USP28: variants seen among roughly 807,000 people sequenced by gnomAD.
USP28 encodes the protein ubiquitin carboxyl-terminal hydrolase 28.
A neutral mutation model predicts 145.0 loss-of-function variants in USP28; 113 were observed. The observed-to-expected ratio is 0.78, with a 90% CI of 0.67 to 0.91. The LOEUF (loss-of-function observed/expected upper bound fraction) is 0.91, where lower values mean the gene tolerates loss of function less well. Among genes scored for constraint, USP28 ranks in the 40% least tolerant of loss-of-function variants. The pLI, the probability that USP28 is intolerant of heterozygous loss-of-function variation, is 0.00. For synonymous variants in USP28, 447 were observed against 450.9 expected (o/e 0.99, Z 0.11); for missense variants, 1,201 against 1,289.6 (o/e 0.93, Z 1.05).
intron 6 of USP28, 138 bp from the exon 7 acceptor site, chr11:113,833,695 G>A: frequency 1.3e-6 from 1 of 758,834 alleles, no homozygotes; most frequent in Admixed American, 2.8e-5. Context: ...GGCTATGTGT[G>A]TTACAGGGAC....
chr11:113,855,833 C>A (rs1249955005), intron 1 of USP28, among the ~76,000 whole-genome samples: 2 of 152,200 alleles, frequency 1.3e-5, no homozygotes, highest in African/African-American at 4.8e-5. Flanking sequence ...ATTGCTTGAA[C>A]CCAGGAGGTG....
chr11:113,874,685 T>A, intron 1 of USP28: 1 of 1,224,486 alleles, frequency 8.2e-7, no homozygotes, highest in Non-Finnish European at 1.0e-6. Context: ...CTAGAAGACA[T>A]GCTCAAATTG....
chr11:113,869,423 G>A (rs960192768), intron 1 of USP28, among the ~76,000 whole-genome samples: 6 of 151,970 alleles, frequency 3.9e-5, no homozygotes, highest in African/African-American at 9.7e-5. Context: ...ACTGCGGTCC[G>A]TCTCAAAAAA....
intron 15 of USP28, among the ~76,000 whole-genome samples, chr11:113,813,260 A>G (rs996359154): frequency 2.6e-5 from 4 of 152,130 alleles, no homozygotes; most frequent in African/African-American, 9.7e-5. Flanking sequence ...CTGTGCCTCA[A>G]TGCCATTCTA....
intron 12 of USP28, chr11:113,820,427 C>G (rs1942424913): frequency 6.6e-6 from 1 of 152,132 alleles, no homozygotes. Flanking sequence ...CAGGATACTT[C>G]TGAGAGTGAA....
intron 15 of USP28, among the ~76,000 whole-genome samples, chr11:113,813,024 C>T (rs1210278540): frequency 6.6e-6 from 1 of 152,116 alleles, no homozygotes; most frequent in East Asian, 1.9e-4. Flanking sequence ...TTGTTTGTTA[C>T]AACATTTGAA....
chr11:113,806,709 G>T, intron 18 of USP28, 125 bp from the exon 20 acceptor site: 1 of 596,674 alleles, frequency 1.7e-6, no homozygotes, highest in Non-Finnish European at 2.8e-6. Flanking sequence ...TGGCCAGCAT[G>T]TATTGCAAGC....
intron 18 of USP28, among the ~76,000 whole-genome samples, chr11:113,807,435 G>A (rs1480089076): frequency 6.6e-6 from 1 of 151,994 alleles, no homozygotes; most frequent in East Asian, 1.9e-4. Flanking sequence ...GAGAGAGACA[G>A]AATTCATTAT....
chr11:113,850,488 T>C (rs764224092), intron 3 of USP28, among the ~76,000 whole-genome samples: 6 of 152,190 alleles, frequency 3.9e-5, no homozygotes, highest in Non-Finnish European at 1.5e-5. Flanking sequence ...CCGAAAAAAG[T>C]TGCAGTGTGT....
intron 12 of USP28, chr11:113,820,512 T>C (rs1942440178): frequency 6.6e-6 from 1 of 152,322 alleles, no homozygotes; most frequent in Admixed American, 6.5e-5. Flanking sequence ...TCAGGCACTT[T>C]GGGAAACTAC....
chr11:113,815,064 A>G (rs1042413340), intron 14 of USP28, 110 bp downstream of exon 14: 9 of 968,492 alleles, frequency 9.3e-6, no homozygotes, highest in South Asian at 8.4e-5. Context: ...CGGGGGGGAA[A>G]TTCTGTAGCA....
chr11:113,867,896 T>C (rs891552025), intron 1 of USP28, among the ~76,000 whole-genome samples: 2 of 151,728 alleles, frequency 1.3e-5, no homozygotes, highest in African/African-American at 2.4e-5. Context: ...GGCAAGAAGA[T>C]TGAAAAAGAA....
At position 113,817,583 on chromosome 11, in the gene USP28, G is replaced by A. The variant is rs926481758; in HGVS notation, c.1463+75C>T. On this transcript the variant is annotated intron_variant, in intron 13 of 24. Coordinates refer to ENST00000003302, the Ensembl canonical transcript of USP28. ...GCTCTTATAGGTGACTGTCAATCAA[G>A]TACAAAGATGGTGCATAGTTTAAAT... 8 of 1,505,870 alleles carry A rather than the reference G, an allele frequency of 5.3e-6. No homozygotes were observed. In the African/African-American group the frequency reaches 8.4e-5, roughly 16 times the overall value. 93.3% of individuals were successfully genotyped at this position (1,505,870 alleles called of 1,614,324 possible). A position where few individuals can be genotyped will look rare whatever the true frequency, so the allele number is the denominator to read the frequency against.
intron 2 of USP28, among the ~76,000 whole-genome samples, chr11:113,852,973 A>G (rs901211118): frequency 6.6e-6 from 1 of 152,154 alleles, no homozygotes; most frequent in Non-Finnish European, 1.5e-5. Flanking sequence ...GGCAATTAAC[A>G]TAGACATTCT....
chr11:113,832,814 A>G (rs993958811), intron 7 of USP28, among the ~76,000 whole-genome samples: 3 of 152,184 alleles, frequency 2.0e-5, no homozygotes, highest in Non-Finnish European at 2.9e-5. Context: ...TCTGTCACCC[A>G]GGCTGGAGTA....
chr11:113,837,992 G>T (rs1443803333), intron 5 of USP28, among the ~76,000 whole-genome samples: 1 of 149,922 alleles, frequency 6.7e-6, no homozygotes, highest in African/African-American at 2.4e-5. Flanking sequence ...TAATTTCACA[G>T]AGGAAAAAAA....
chr11:113,846,178 T>C (rs1945828266), intron 3 of USP28, among the ~76,000 whole-genome samples: 1 of 151,984 alleles, frequency 6.6e-6, no homozygotes, highest in South Asian at 2.1e-4. Flanking sequence ...ACAGAAAAAA[T>C]GGGGGTTACT....
At chr11:113,813,748 A>G (rs1434210242) in intron 15 of USP28, 137 bp downstream of exon 15, 1 of 720,446 alleles carries the variant, frequency 1.4e-6, no homozygotes, top group Non-Finnish European at 2.3e-6. Context: ...AAACAGAACA[A>G]CATCAATTTA....
intron 3 of USP28, among the ~76,000 whole-genome samples, chr11:113,851,399 A>G (rs540151384): frequency 1.3e-5 from 2 of 152,194 alleles, no homozygotes; most frequent in East Asian, 3.9e-4. Context: ...TCACTCACTA[A>G]GCCTTAGCCC....
Sources: gnomAD v4.1 joint callset for allele counts (sites outside exome capture counted in the v4.1 genomes callset) on GRCh38, gnomAD v4.1.1 for gene constraint, MANE v1.5 for transcripts, NCBI Gene and HGNC (gene_info 2026-07-23, HGNC 2026-07-21) for gene names.